TNNI3K: variants seen among roughly 807,000 people sequenced by gnomAD.
TNNI3K encodes serine/threonine-protein kinase TNNI3K.
Under a neutral mutation model 114.5 loss-of-function variants are expected in TNNI3K, and 140 were observed. The observed-to-expected ratio is 1.22, with a 90% CI of 1.07 to 1.41. The LOEUF is 1.41. Among genes scored for constraint, TNNI3K ranks in the 40% most tolerant of loss-of-function variants. TNNI3K has a pLI of 0.00. For synonymous variants in TNNI3K, 347 were observed against 347.5 expected (o/e 1.00, Z 0.02); for missense variants, 1,125 against 1,007.6 (o/e 1.12, Z -1.58).
intron 22 of TNNI3K, 96 bp from the exon 23 acceptor site, chr1:74,492,001 G>T: frequency 7.3e-7 from 1 of 1,368,498 alleles, no homozygotes; most frequent in East Asian, 2.4e-5. Context: ...TAAAATATGG[G>T]AAACCTTGGA....
chr1:74,343,110 A>C lies in TNNI3K; in HGVS notation c.863A>C (p.Glu288Ala). The change falls in exon 9 of 25, where the codon GAA becomes GCA. Residue 288 changes from glutamate (E) to alanine (A), a missense_variant. Glu to Ala is a moderately radical substitution (Grantham distance 107, BLOSUM62 -1). Coordinates refer to ENST00000326637, the MANE Select transcript of TNNI3K (RefSeq NM_015978.3). ...CYNGKFEVAK[E>A]IIQISGTESL... ...AATGGCAAATTTGAAGTTGCCAAGG[A>C]AATCATCCAAATATCAGGAACAGAA... The C allele has an allele frequency of 6.2e-7, 1 of 1,613,506 alleles. No homozygotes were observed. The highest frequency in any genetic ancestry group is 8.5e-7 in the Non-Finnish European group (1 of 1,179,796).
At chr1:74,381,766 G>A (rs999862975) in intron 17 of TNNI3K, among the ~76,000 whole-genome samples, 2 of 152,184 alleles carry the variant, frequency 1.3e-5, no homozygotes, top group Non-Finnish European at 2.9e-5. Flanking sequence ...CTGAGGGTTA[G>A]CAAGGTTATT....
At chr1:74,251,118 C>G (rs1654901790) in intron 4 of TNNI3K, among the ~76,000 whole-genome samples, 1 of 152,146 alleles carries the variant, frequency 6.6e-6, no homozygotes, top group Admixed American at 6.5e-5. Flanking sequence ...ACCATGATGC[C>G]TCTGTGCAGA....
chr1:74,262,550 A>T (rs1384164490), intron 4 of TNNI3K, among the ~76,000 whole-genome samples: 1 of 152,076 alleles, frequency 6.6e-6, no homozygotes, highest in Admixed American at 6.6e-5. Context: ...AGAAAAAAAA[A>T]ACTCAAAAAA....
At chr1:74,326,183 G>A (rs561255267) in intron 5 of TNNI3K, among the ~76,000 whole-genome samples, 1 of 152,192 alleles carries the variant, frequency 6.6e-6, no homozygotes, top group African/African-American at 2.4e-5. Flanking sequence ...TTTATTGAAA[G>A]TCTGCTAGGT....
chr1:74,461,789 C>T (rs1332547705), intron 20 of TNNI3K, among the ~76,000 whole-genome samples: 1 of 152,182 alleles, frequency 6.6e-6, no homozygotes, highest in South Asian at 2.1e-4. Context: ...GGCACATCAT[C>T]TTCTCTCCTC....
chr1:74,235,635 C>T (rs565546072), intron 1 of TNNI3K, 144 bp downstream of exon 1: 35 of 478,096 alleles, frequency 7.3e-5, no homozygotes, highest in African/African-American at 6.9e-4. Context: ...GAAAAACTAT[C>T]TGAACTCAAA....
chr1:74,273,892 G>T (rs181411338), intron 5 of TNNI3K, among the ~76,000 whole-genome samples: 36 of 151,970 alleles, frequency 2.4e-4, no homozygotes, highest in Non-Finnish European at 4.3e-4. Context: ...ATAAAGAAAA[G>T]GGTATCCAAA....
chr1:74,402,520 C>A (rs1050966098), intron 17 of TNNI3K, among the ~76,000 whole-genome samples: 1 of 152,206 alleles, frequency 6.6e-6, no homozygotes, highest in South Asian at 2.1e-4. Context: ...ACCCCTTCCC[C>A]AATACTGATA....
intron 5 of TNNI3K, among the ~76,000 whole-genome samples, chr1:74,320,662 T>A (rs1659558492): frequency 6.6e-6 from 1 of 152,216 alleles, no homozygotes; most frequent in South Asian, 2.1e-4. Context: ...AGCTGCTTGA[T>A]ACTCATTAAC....
intron 5 of TNNI3K, among the ~76,000 whole-genome samples, chr1:74,326,829 G>C (rs1409046146): frequency 1.3e-5 from 2 of 152,126 alleles, no homozygotes; most frequent in Non-Finnish European, 2.9e-5. Context: ...GCAGGCTCAT[G>C]CCTGTAATCC....
At chr1:74,280,439 C>G (rs1225382034) in intron 5 of TNNI3K, among the ~76,000 whole-genome samples, 1 of 151,946 alleles carries the variant, frequency 6.6e-6, no homozygotes, top group Non-Finnish European at 1.5e-5. Flanking sequence ...GTGGGAAAGA[C>G]AGTCCTGCAT....
At chr1:74,324,697 AAG>A (rs1659807049) in intron 5 of TNNI3K, among the ~76,000 whole-genome samples, 1 of 152,154 alleles carries the variant, frequency 6.6e-6, no homozygotes, top group South Asian at 2.1e-4. Flanking sequence ...CGTGGGGAGC[AAG>A]AGAGAGAAAG....
rs1665227665 is a variant in TNNI3K at position 74,418,276 on chromosome 1, T to G, written c.1773-17804T>G. On this transcript the variant is annotated intron_variant, in intron 17 of 24. Coordinates refer to ENST00000326637, the MANE Select transcript of TNNI3K (RefSeq NM_015978.3). ...GCAAGAAAGAAGGCATCTCAGTTCC[T>G]AACGAATGAAGTCACCACATCAGCC... is the stretch of plus-strand genomic sequence containing the variant. 3 of 404,162 alleles carry G rather than the reference T, an allele frequency of 7.4e-6. No individual in the cohort carries two copies. In the Admixed American group the frequency reaches 8.8e-5, roughly 12 times the overall value. The allele number at this position is 404,162 out of a possible 1,614,324, so 25.0% of individuals were successfully genotyped here. A position where few individuals can be genotyped will look rare whatever the true frequency, so the allele number is the denominator to read the frequency against.
At chr1:74,399,504 A>C (rs1321292089) in intron 17 of TNNI3K, among the ~76,000 whole-genome samples, 2 of 148,958 alleles carry the variant, frequency 1.3e-5, no homozygotes, top group African/African-American at 5.0e-5. Context: ...GACAAGCTCC[A>C]CCCATGCTGG....
intron 23 of TNNI3K, among the ~76,000 whole-genome samples, chr1:74,504,215 G>A (rs1669775306): frequency 6.6e-6 from 1 of 152,220 alleles, no homozygotes; most frequent in South Asian, 2.1e-4. Flanking sequence ...ATTGGACATA[G>A]TCTGTGATGA....
At chr1:74,536,135 C>T (rs1043223011) in intron 23 of TNNI3K, among the ~76,000 whole-genome samples, 2 of 152,098 alleles carry the variant, frequency 1.3e-5, no homozygotes, top group Admixed American at 6.6e-5. Context: ...CTTACTCCTG[C>T]TTTGGGGAGT....
intron 5 of TNNI3K, among the ~76,000 whole-genome samples, chr1:74,275,619 C>G (rs1570405607): frequency 6.6e-6 from 1 of 151,466 alleles, no homozygotes; most frequent in East Asian, 1.9e-4. Flanking sequence ...GGGATCTGGC[C>G]CAAAAATAGG....
intron 23 of TNNI3K, among the ~76,000 whole-genome samples, chr1:74,526,667 C>G (rs1284098523): frequency 6.6e-6 from 1 of 152,140 alleles, no homozygotes; most frequent in Non-Finnish European, 1.5e-5. Context: ...TCCATTAGCT[C>G]ATGCATTTTA....
Sources: allele counts gnomAD v4.1 joint callset (sites outside exome capture counted in the v4.1 genomes callset), GRCh38; gene constraint gnomAD v4.1.1; transcripts MANE v1.5; gene names NCBI Gene and HGNC (gene_info 2026-07-23, HGNC 2026-07-21).